Variants in AOPEP observed in about 807,000 individuals in gnomAD.
AOPEP encodes the protein aminopeptidase O (putative), also known as aminopeptidase O.
Under a neutral mutation model 98.1 loss-of-function variants are expected in AOPEP, and 77 were observed. That is an observed-to-expected ratio of 0.78 (90% confidence interval 0.65 to 0.95). The LOEUF is 0.95. AOPEP is among the 40% of genes least tolerant of loss of function. The pLI, the probability that AOPEP is intolerant of heterozygous loss-of-function variation, is 0.00. For synonymous variants in AOPEP, 346 were observed against 365.3 expected, an observed-to-expected ratio of 0.95 and a Z score of 0.60; for missense variants, 1,024 against 1,024.7, an observed-to-expected ratio of 1.00 and a Z score of 0.01.
intron 5 of AOPEP, among the ~76,000 whole-genome samples, chr9:94,811,900 G>C (rs75678041): frequency 6.6e-6 from 1 of 152,196 alleles, no homozygotes; most frequent in Admixed American, 6.5e-5. Context: ...ACACATGCTT[G>C]TGCTGGCAAG....
intron 3 of AOPEP, among the ~76,000 whole-genome samples, chr9:94,777,289 G>A (rs952339787): frequency 4.6e-5 from 7 of 151,934 alleles, no homozygotes; most frequent in Non-Finnish European, 7.4e-5. Flanking sequence ...AAAATTAGCC[G>A]GGCGTGGTGG....
At chr9:95,082,204 G>C (rs1018242067) in intron 15 of AOPEP, among the ~76,000 whole-genome samples, 25 of 152,270 alleles carry the variant, frequency 1.6e-4, no homozygotes, top group Non-Finnish European at 2.8e-4. Context: ...CAGGAGTCCC[G>C]TGTCTGTAAT....
chr9:94,773,006 T>C lies in AOPEP; in HGVS notation c.802T>C (p.Cys268Arg). 3 of 1,597,342 alleles carry C rather than the reference T, an allele frequency of 1.9e-6. No individual in the cohort carries two copies. The highest frequency in any genetic ancestry group is 1.1e-5 in the South Asian group (1 of 89,066). ...TWTSDQSGRP[C>R]VYTVGSPINN... is the part of the protein sequence containing the mutation. ...TTCTTTGTCTCTCTTCTGCAGGCCA[T>C]GTGTTTATACTGTGGGATCTCCCAT... Residue 268 changes from cysteine (C) to arginine (R), a missense_variant, in exon 3 of 17, where the codon TGT (cysteine) becomes CGT (arginine). Cys to Arg is a radical substitution (Grantham distance 180). Transcript: ENST00000375315.
intron 1 of AOPEP, among the ~76,000 whole-genome samples, chr9:94,750,254 G>A (rs539925558): frequency 1.3e-5 from 2 of 152,230 alleles, no homozygotes; most frequent in East Asian, 3.9e-4. Context: ...CTACTGTGTT[G>A]GTCTTGAACT....
intron 13 of AOPEP, among the ~76,000 whole-genome samples, chr9:95,012,100 A>G (rs1474937554): frequency 1.3e-5 from 2 of 152,202 alleles, no homozygotes; most frequent in Non-Finnish European, 2.9e-5. Flanking sequence ...TGACATTAGG[A>G]TGTTGTAGAG....
chr9:95,083,611 AGC>A (rs934512974), intron 16 of AOPEP, among the ~76,000 whole-genome samples: 21 of 150,664 alleles, frequency 1.4e-4, no homozygotes, highest in African/African-American at 5.1e-4. Flanking sequence ...CACCACACGT[AGC>A]GCGCACACTG....
At position 94,760,128 on chromosome 9, in the gene AOPEP, C is replaced by A; in HGVS notation, c.345C>A (p.Asn115Lys). The change falls in exon 2 of 17, where the codon AAC becomes AAA. Residue 115 changes from asparagine to lysine, a missense_variant. Physicochemically the swap from Asn to Lys is moderately conservative, Grantham distance 94. Transcript: ENST00000375315. Reference protein sequence around the residue: ...GEKDTSDKDGNHDNQEHASGI... With the variant: ...GEKDTSDKDGKHDNQEHASGI... ...AAGATACTTCTGATAAAGATGGTAA[C>A]CATGACAACCAGGAACATGCTTCTG... The A allele has an allele frequency of 6.2e-7, 1 of 1,614,142 alleles. No homozygotes were observed. The highest frequency in any genetic ancestry group is 8.5e-7 in the Non-Finnish European group (1 of 1,180,018).
the AOPEP span, among the ~76,000 whole-genome samples, chr9:95,141,690 T>C: frequency 6.6e-5 from 10 of 152,190 alleles, no homozygotes; most frequent in Non-Finnish European, 1.2e-4. Flanking sequence ...GGCTCCTTTT[T>C]TGGGGTAACT....
chr9:95,141,167 C>A, the AOPEP span, among the ~76,000 whole-genome samples: 1 of 151,726 alleles, frequency 6.6e-6, no homozygotes, highest in Non-Finnish European at 1.5e-5. Flanking sequence ...AAATAATTAG[C>A]AAGGCATGGT....
At chr9:94,818,868 C>CT (rs1351727363) in intron 5 of AOPEP, among the ~76,000 whole-genome samples, 1 of 152,154 alleles carries the variant, frequency 6.6e-6, no homozygotes, top group Non-Finnish European at 1.5e-5. Flanking sequence ...GTGGCGGGCA[C>CT]CTGTAGCCCC....
chr9:95,149,989 T>C, the AOPEP span: 3 of 1,613,818 alleles, frequency 1.9e-6, no homozygotes, highest in Admixed American at 3.3e-5. Flanking sequence ...TTCACGTCCA[T>C]GACAGATGAG....
chr9:95,057,049 T>G (rs927461252), intron 13 of AOPEP, among the ~76,000 whole-genome samples: 1 of 152,214 alleles, frequency 6.6e-6, no homozygotes, highest in Non-Finnish European at 1.5e-5. Flanking sequence ...AGGAAAGGAC[T>G]TTTGCATTCC....
intron 6 of AOPEP, among the ~76,000 whole-genome samples, chr9:94,927,744 T>C (rs1021929862): frequency 3.9e-5 from 6 of 152,226 alleles, no homozygotes; most frequent in Admixed American, 2.6e-4. Flanking sequence ...TCAGTAAATA[T>C]CTGTTGAACG....
chr9:94,937,094 C>T (rs900871392), intron 7 of AOPEP, among the ~76,000 whole-genome samples: 1 of 152,198 alleles, frequency 6.6e-6, no homozygotes, highest in African/African-American at 2.4e-5. Flanking sequence ...GACCTTTACC[C>T]CCGTCCCCTC....
intron 5 of AOPEP, among the ~76,000 whole-genome samples, chr9:94,842,012 C>T (rs918400631): frequency 7.2e-5 from 11 of 151,970 alleles, no homozygotes; most frequent in South Asian, 2.1e-4. Context: ...ATGGTTGTGC[C>T]GCTGAACTCC....
intron 5 of AOPEP, among the ~76,000 whole-genome samples, chr9:94,893,988 A>G (rs2049167397): frequency 6.6e-6 from 1 of 152,196 alleles, no homozygotes; most frequent in South Asian, 2.1e-4. Context: ...AGGAAATAAT[A>G]AAAGAAGAAC....
intron 16 of AOPEP, among the ~76,000 whole-genome samples, chr9:95,083,359 G>A (rs1221835531): frequency 2.8e-5 from 4 of 144,592 alleles, no homozygotes; most frequent in African/African-American, 7.8e-5. Context: ...CACAGCGCAC[G>A]CACCACACAG....
chr9:95,116,674 T>C, the AOPEP span, among the ~76,000 whole-genome samples: 1 of 152,210 alleles, frequency 6.6e-6, no homozygotes, highest in African/African-American at 2.4e-5. Context: ...GATGCCCTTA[T>C]TCTCTATTTC....
chr9:94,932,340 A>G, intron 7 of AOPEP: 1 of 963,174 alleles, frequency 1.0e-6, no homozygotes. Flanking sequence ...TAACAAAGTG[A>G]AAAGAGAAAA....
Sources: gnomAD v4.1 joint callset for allele counts (sites outside exome capture counted in the v4.1 genomes callset) on GRCh38, gnomAD v4.1.1 for gene constraint, MANE v1.5 for transcripts, NCBI Gene and HGNC (gene_info 2026-07-23, HGNC 2026-07-21) for gene names.